VAC14: variants seen among roughly 807,000 people sequenced by gnomAD.
VAC14 encodes the protein VAC14 component of PIKFYVE complex.
Under a neutral mutation model 85.3 loss-of-function variants are expected in VAC14, and 47 were observed. The ratio of observed to expected loss-of-function variants is 0.55; its 90% confidence interval spans 0.44 to 0.70. The LOEUF is 0.70. Ranked by LOEUF, VAC14 falls within the 30% of genes least tolerant of loss-of-function variation. The pLI, the probability that VAC14 is intolerant of heterozygous loss-of-function variation, is 0.00. For synonymous variants in VAC14, 447 were observed against 430.5 expected (o/e 1.04, Z -0.47); for missense variants, 861 against 1,004.3 (o/e 0.86, Z 1.93).
At chr16:70,759,999 G>A (rs1056239244) in intron 12 of VAC14, among the ~76,000 whole-genome samples, 2 of 152,316 alleles carry the variant, frequency 1.3e-5, no homozygotes, top group African/African-American at 2.4e-5. Context: ...GCAGAGAACC[G>A]TCGTGAGGGT....
chr16:70,726,583 G>C (rs1029277976), intron 14 of VAC14, among the ~76,000 whole-genome samples: 3 of 152,224 alleles, frequency 2.0e-5, no homozygotes, highest in Admixed American at 2.0e-4. Context: ...GAAAGGCCTT[G>C]GAAACAGGTC....
intron 14 of VAC14, among the ~76,000 whole-genome samples, chr16:70,721,746 C>T (rs971178795): frequency 6.6e-6 from 1 of 152,136 alleles, no homozygotes; most frequent in Non-Finnish European, 1.5e-5. Context: ...CCAGGCCCCT[C>T]CAGCTGCGGA....
intron 7 of VAC14, 40 bp from the exon 8 acceptor site, chr16:70,782,043 G>A (rs751022528): frequency 5.6e-6 from 9 of 1,603,062 alleles, no homozygotes; most frequent in Middle Eastern, 1.8e-4. Flanking sequence ...GCCAGCACAC[G>A]CAGCCCGAGT....
chr16:70,723,365 G>A (rs1264391158), intron 14 of VAC14, among the ~76,000 whole-genome samples: 1 of 152,064 alleles, frequency 6.6e-6, no homozygotes, highest in Admixed American at 6.5e-5. Context: ...TCACAGCGAG[G>A]TGAGCCGTGA....
chr16:70,695,332 C>T (rs947701959), intron 17 of VAC14, among the ~76,000 whole-genome samples: 13 of 152,062 alleles, frequency 8.5e-5, no homozygotes, highest in African/African-American at 3.1e-4. Context: ...AGGCTGGTCT[C>T]GAACTCCTGC....
rs562952954 is a variant in VAC14, at chr16:70,756,927, G to A, written c.1371+5613C>T. On this transcript the variant is annotated intron_variant, in intron 12 of 18. Transcript: ENST00000261776. ...GTGAGTGGGTTCCCAAACTAGAAAC[G>A]TTACCACTGCCATGAATACTGTCCT... 3.2e-4 allele frequency among the ~76,000 whole-genome samples: 48 copies of A among 152,232 alleles called. No individual in the cohort carries two copies. The South Asian group carries it at 6.2e-3, about 20-fold the overall frequency.
intron 14 of VAC14, among the ~76,000 whole-genome samples, chr16:70,708,816 A>G (rs1197386059): frequency 1.3e-5 from 2 of 152,076 alleles, no homozygotes; most frequent in Admixed American, 1.3e-4. Context: ...TGCGGGGAGG[A>G]GGGGCAAGAG....
Position 70,744,862 on chromosome 16 carries a change from C to T in VAC14, c.1372-283G>A, listed in dbSNP as rs1024709196. On this transcript the variant is annotated intron_variant, in intron 12 of 18. Transcript: ENST00000261776. Reference sequence around the variant, plus strand: ...GTCAGCTTCCCCACGATCCCTCTCTCGGGTCCCTTGAACAGGGCTCTGAGG... The same window carrying T: ...GTCAGCTTCCCCACGATCCCTCTCTTGGGTCCCTTGAACAGGGCTCTGAGG... Among the ~76,000 whole-genome samples the T allele has an allele frequency of 5.9e-5, 9 of 152,220 alleles. No homozygotes were observed. In the South Asian group the frequency reaches 1.7e-3, roughly 28 times the overall value.
At chr16:70,744,722 G>C in intron 12 of VAC14, 143 bp from the exon 13 acceptor site, 1 of 934,458 alleles carries the variant, frequency 1.1e-6, no homozygotes. Flanking sequence ...GAGCCACTAA[G>C]GCCACAGCTG....
chr16:70,772,006 G>C, intron 10 of VAC14, 103 bp downstream of exon 10: 1 of 1,043,068 alleles, frequency 9.6e-7, no homozygotes, highest in Non-Finnish European at 1.5e-6. Context: ...AGCAGCAGCC[G>C]CGAGTAGAAT....
At chr16:70,730,156 C>T (rs749069716) in intron 14 of VAC14, among the ~76,000 whole-genome samples, 18 of 152,028 alleles carry the variant, frequency 1.2e-4, no homozygotes, top group Admixed American at 2.6e-4. Context: ...TCCTCATTCT[C>T]GAATCCGGCT....
intron 10 of VAC14, chr16:70,766,628 T>C (rs942833861): frequency 1.9e-5 from 8 of 427,328 alleles, no homozygotes; most frequent in African/African-American, 1.0e-4. Flanking sequence ...TCTGAGACCA[T>C]GAGGCCATGT....
chr16:70,690,364 T>C, intron 18 of VAC14: 1 of 985,618 alleles, frequency 1.0e-6, no homozygotes, highest in Non-Finnish European at 1.2e-6. Flanking sequence ...ACATCTTCTG[T>C]AGGTCCATAA....
At chr16:70,761,022 T>TGTGTGTGTGGGGG in intron 12 of VAC14, 1 of 190,072 alleles carries the variant, frequency 5.3e-6, no homozygotes. Flanking sequence ...TGTGTGTGCA[T>TGTGTGTGTGGGGG]GGGGGGGCGG....
chr16:70,762,512 A>C lies in VAC14; in HGVS notation c.1371+28T>G. On this transcript the variant is annotated intron_variant, in intron 12 of 18. Coordinates refer to ENST00000261776, the MANE Select transcript of VAC14 (RefSeq NM_018052.5). This position sits in a 1 kb window ranked among gnomAD's most constrained non-coding sequence, Gnocchi z 4.1. ...GGGGAGGCAGGGCAGCCGATGTTCC[A>C]TAAGTACGGGTGGCGTTGGTGACCT... is the stretch of plus-strand genomic sequence containing the variant. 1 of 1,612,230 alleles carries C rather than the reference A, an allele frequency of 6.2e-7. No individual in the cohort carries two copies. The highest frequency in any genetic ancestry group is 8.5e-7 in the Non-Finnish European group (1 of 1,178,388).
chr16:70,687,832 G>A lies in VAC14; in HGVS notation c.*96C>T. On this transcript the variant is annotated 3_prime_UTR_variant, in exon 19 of 19. Transcript: ENST00000261776. ...CCCTGGGTTGGCAGGCCCAGCCCTGGTCCTGACAGGCAGGTCCTTGAGCTC... is the reference window on the plus strand; with the variant it reads ...CCCTGGGTTGGCAGGCCCAGCCCTGATCCTGACAGGCAGGTCCTTGAGCTC... The A allele has an allele frequency of 7.8e-7, 1 of 1,288,462 alleles. No individual in the cohort carries two copies. Among genetic ancestry groups the A allele is most frequent in the Non-Finnish European group, 1.0e-6 (1 of 1,001,940 alleles). The allele number at this position is 1,288,462 out of a possible 1,614,324, so 79.8% of individuals were successfully genotyped here.
intron 14 of VAC14, among the ~76,000 whole-genome samples, chr16:70,728,403 C>T (rs1182694754): frequency 6.6e-6 from 1 of 152,170 alleles, no homozygotes; most frequent in Non-Finnish European, 1.5e-5. Context: ...AGTTTGCAGC[C>T]CAGCTCCTGC....
chr16:70,731,669 T>TACAGC, intron 13 of VAC14, 42 bp from the exon 14 acceptor site: 2 of 1,565,402 alleles, frequency 1.3e-6, no homozygotes, highest in Non-Finnish European at 8.7e-7. Context: ...TCTGATTATG[T>TACAGC]GTCCACAGGG....
chr16:70,765,923 T>C (rs1290084873), intron 10 of VAC14, among the ~76,000 whole-genome samples: 3 of 151,984 alleles, frequency 2.0e-5, no homozygotes, highest in African/African-American at 4.8e-5. Context: ...TTTGAGGCCA[T>C]GAGTTTGAGA....
Sources: allele counts gnomAD v4.1 joint callset (sites outside exome capture counted in the v4.1 genomes callset), GRCh38; gene constraint gnomAD v4.1.1; non-coding constraint Gnocchi (gnomAD v3.1); transcripts MANE v1.5; gene names NCBI Gene and HGNC (gene_info 2026-07-23, HGNC 2026-07-21).